Variants in KCNH1 observed in about 807,000 individuals in gnomAD.
KCNH1 encodes the protein potassium voltage-gated channel subfamily H member 1.
A neutral mutation model predicts 69.2 loss-of-function variants in KCNH1; 27 were observed. The ratio of observed to expected loss-of-function variants is 0.39; its 90% confidence interval spans 0.29 to 0.54. The LOEUF (loss-of-function observed/expected upper bound fraction) is 0.54, where lower values mean the gene tolerates loss of function less well. Among genes scored for constraint, KCNH1 ranks in the 20% least tolerant of loss-of-function variants. The probability of loss-of-function intolerance (pLI) is 0.68; values close to 1 mark genes in which losing one functional copy is unlikely to be tolerated. For synonymous variants in KCNH1, 456 were observed against 487.7 expected, an observed-to-expected ratio of 0.93 and a Z score of 0.86; for missense variants, 798 against 1,261.6, an observed-to-expected ratio of 0.63 and a Z score of 5.57.
chr1:211,018,668 GT>G (rs1204913320), intron 6 of KCNH1, 114 bp downstream of exon 6: 7 of 862,762 alleles, frequency 8.1e-6, no homozygotes, highest in Non-Finnish European at 1.3e-5. Context: ...TGCTCCCTCT[GT>G]TCTGGACATC....
At chr1:210,827,875 C>T (rs1158424536) in intron 7 of KCNH1, among the ~76,000 whole-genome samples, 1 of 152,130 alleles carries the variant, frequency 6.6e-6, no homozygotes, top group Non-Finnish European at 1.5e-5. Context: ...GACAAAGTCA[C>T]TCTCACCCAG....
chr1:210,857,459 T>G, intron 7 of KCNH1, among the ~76,000 whole-genome samples: 1 of 150,716 alleles, frequency 6.6e-6, no homozygotes, highest in Admixed American at 6.6e-5. Flanking sequence ...CGCATGGGGG[T>G]GGGGGTGAGG....
At chr1:211,107,221 A>T in intron 2 of KCNH1, 33 bp downstream of exon 2, 2 of 1,610,856 alleles carry the variant, frequency 1.2e-6, no homozygotes, top group Non-Finnish European at 1.7e-6. Context: ...ACCATAATAG[A>T]TTGTTCACCA....
intron 6 of KCNH1, among the ~76,000 whole-genome samples, chr1:210,986,181 G>A (rs1688829892): frequency 6.6e-6 from 1 of 152,232 alleles, no homozygotes; most frequent in African/African-American, 2.4e-5. Flanking sequence ...GTGTGTCTCT[G>A]CACGTGAGAT....
intron 7 of KCNH1, among the ~76,000 whole-genome samples, chr1:210,903,768 C>T (rs1282328626): frequency 1.3e-5 from 2 of 152,184 alleles, no homozygotes; most frequent in Non-Finnish European, 2.9e-5. Context: ...CAGAGCAGAT[C>T]TCAAATTTAC....
At chr1:211,109,818 TA>T (rs548313012) in intron 1 of KCNH1, among the ~76,000 whole-genome samples, 19 of 148,554 alleles carry the variant, frequency 1.3e-4, no homozygotes, top group Non-Finnish European at 2.1e-4. Context: ...AGAAGAACTT[TA>T]AAAAAAAAAT....
intron 5 of KCNH1, among the ~76,000 whole-genome samples, chr1:211,025,385 G>A (rs138685205): frequency 6.6e-6 from 1 of 152,066 alleles, no homozygotes; most frequent in Non-Finnish European, 1.5e-5. Context: ...TTTGGGTAGA[G>A]GAACACTTTC....
intron 6 of KCNH1, among the ~76,000 whole-genome samples, chr1:210,998,275 T>C (rs568573504): frequency 6.6e-6 from 1 of 152,164 alleles, no homozygotes; most frequent in African/African-American, 2.4e-5. Flanking sequence ...ACATCTCACA[T>C]GCAGAGACAC....
chr1:210,876,900 T>C (rs944851401), intron 7 of KCNH1, among the ~76,000 whole-genome samples: 1 of 151,952 alleles, frequency 6.6e-6, no homozygotes, highest in African/African-American at 2.4e-5. Context: ...CTCCAGAGGA[T>C]TACAGTAAAA....
intron 7 of KCNH1, among the ~76,000 whole-genome samples, chr1:210,814,643 G>T (rs1684775768): frequency 6.6e-6 from 1 of 152,168 alleles, no homozygotes; most frequent in South Asian, 2.1e-4. Flanking sequence ...TCTCATTTAT[G>T]AAAGGGGAAA....
intron 7 of KCNH1, among the ~76,000 whole-genome samples, chr1:210,842,792 A>G (rs1398117916): frequency 6.6e-6 from 1 of 152,148 alleles, no homozygotes; most frequent in East Asian, 1.9e-4. Flanking sequence ...GCCTTCTATA[A>G]CAAACCCTAT....
At chr1:211,057,180 A>G (rs1690326957) in intron 5 of KCNH1, among the ~76,000 whole-genome samples, 1 of 152,258 alleles carries the variant, frequency 6.6e-6, no homozygotes, top group African/African-American at 2.4e-5. Context: ...AATAGATTAA[A>G]TAATTTAAAA....
At chr1:210,985,092 T>C (rs1473667616) in intron 6 of KCNH1, among the ~76,000 whole-genome samples, 4 of 152,252 alleles carry the variant, frequency 2.6e-5, no homozygotes, top group Non-Finnish European at 5.9e-5. Context: ...TAGTATTCTC[T>C]GATGGTAGTT....
At chr1:210,729,467 G>C (rs1379411422) in intron 10 of KCNH1, among the ~76,000 whole-genome samples, 1 of 152,214 alleles carries the variant, frequency 6.6e-6, no homozygotes, top group Non-Finnish European at 1.5e-5. Flanking sequence ...GCATTGCCAG[G>C]TGGCCCTCCC....
intron 5 of KCNH1, among the ~76,000 whole-genome samples, chr1:211,037,673 C>A (rs1185048551): frequency 6.6e-6 from 1 of 152,056 alleles, no homozygotes; most frequent in Non-Finnish European, 1.5e-5. Flanking sequence ...CAAAACCAGG[C>A]ACATCGGCCA....
chr1:211,026,541 A>G (rs1437960851), intron 5 of KCNH1, among the ~76,000 whole-genome samples: 1 of 152,182 alleles, frequency 6.6e-6, no homozygotes, highest in Non-Finnish European at 1.5e-5. Context: ...CGCCTCAGCT[A>G]CGCCAGCAGG....
intron 1 of KCNH1, among the ~76,000 whole-genome samples, chr1:211,114,308 A>G (rs1209094962): frequency 6.6e-6 from 1 of 152,092 alleles, no homozygotes; most frequent in Admixed American, 6.5e-5. Flanking sequence ...ATCTGAACCC[A>G]CCCAGAAGAG....
chr1:210,933,880 A>G (rs1400230969), intron 6 of KCNH1, among the ~76,000 whole-genome samples: 2 of 152,178 alleles, frequency 1.3e-5, no homozygotes, highest in Non-Finnish European at 2.9e-5. Context: ...AAATAAACCC[A>G]TGTATTTACA....
At chr1:210,960,440 T>G (rs749518280) in intron 6 of KCNH1, among the ~76,000 whole-genome samples, 6 of 152,174 alleles carry the variant, frequency 3.9e-5, no homozygotes, top group Admixed American at 1.3e-4. Flanking sequence ...CTCCACCTCT[T>G]TCCCCAGGCA....
Sources: allele counts gnomAD v4.1 joint callset (sites outside exome capture counted in the v4.1 genomes callset), GRCh38; gene constraint gnomAD v4.1.1; transcripts MANE v1.5; gene names NCBI Gene and HGNC (gene_info 2026-07-23, HGNC 2026-07-21).